Variants in NRXN1 observed in about 807,000 individuals in gnomAD.
NRXN1 encodes neurexin-1.
A neutral mutation model predicts 150.9 loss-of-function variants in NRXN1; 39 were observed. The observed-to-expected ratio is 0.26, with a 90% CI of 0.20 to 0.34. The LOEUF is 0.34. Among genes scored for constraint, NRXN1 ranks in the 10% least tolerant of loss-of-function variants. The pLI, the probability that NRXN1 is intolerant of heterozygous loss-of-function variation, is 1.00. For missense variants in NRXN1, 1,815 were observed against 1,949.9 expected, an observed-to-expected ratio of 0.93 and a Z score of 1.30; for synonymous variants, 924 against 757.0, an observed-to-expected ratio of 1.22 and a Z score of -3.62.
At chr2:50,016,731 G>A (rs1272930402) in intron 21 of NRXN1, among the ~76,000 whole-genome samples, 2 of 152,096 alleles carry the variant, frequency 1.3e-5, no homozygotes, top group Admixed American at 1.3e-4. Flanking sequence ...CTTGACATGT[G>A]CTGATTATTA....
intron 17 of NRXN1, among the ~76,000 whole-genome samples, chr2:50,416,539 T>C (rs931641597): frequency 6.6e-6 from 1 of 152,128 alleles, no homozygotes; most frequent in Non-Finnish European, 1.5e-5. Context: ...ATTTTCACTA[T>C]TGTATTAGTC....
chr2:50,616,189 A>AC (rs1233621298), intron 8 of NRXN1: 4 of 152,138 alleles, frequency 2.6e-5, no homozygotes, highest in African/African-American at 9.7e-5. Flanking sequence ...TTTAAAAAAA[A>AC]CTACTTTGAT....
intron 8 of NRXN1, among the ~76,000 whole-genome samples, chr2:50,604,596 G>A (rs4971686): frequency 0.3 from 45,122 of 151,722 alleles, 7,069 homozygotes; most frequent in East Asian, 0.51. Flanking sequence ...TTCCTGTCTC[G>A]ACTCTTATCT....
intron 17 of NRXN1, among the ~76,000 whole-genome samples, chr2:50,435,624 T>C (rs1462896113): frequency 2.6e-5 from 4 of 152,194 alleles, no homozygotes; most frequent in Admixed American, 2.6e-4. Context: ...TGCGTCTTTA[T>C]GGTAGAACAA....
At chr2:50,690,578 T>C (rs942978388) in intron 5 of NRXN1, among the ~76,000 whole-genome samples, 1 of 152,194 alleles carries the variant, frequency 6.6e-6, no homozygotes, top group African/African-American at 2.4e-5. Context: ...CATGCATCCA[T>C]GGGTTTGAGA....
intron 18 of NRXN1, among the ~76,000 whole-genome samples, chr2:50,157,690 G>A (rs1012485523): frequency 3.9e-5 from 6 of 152,042 alleles, no homozygotes; most frequent in Non-Finnish European, 2.9e-5. Context: ...AGCAGAAATG[G>A]AGGCAGTAAG....
chr2:50,355,563 T>C (rs2078738445), intron 17 of NRXN1, among the ~76,000 whole-genome samples: 1 of 152,148 alleles, frequency 6.6e-6, no homozygotes, highest in Admixed American at 6.5e-5. Context: ...CTTTTTGTTG[T>C]TGTTGTTTTT....
intron 17 of NRXN1, among the ~76,000 whole-genome samples, chr2:50,291,478 T>G (rs1458448976): frequency 6.6e-6 from 1 of 152,152 alleles, no homozygotes; most frequent in East Asian, 1.9e-4. Flanking sequence ...GGTGGCCAGA[T>G]GTTCAGCAGT....
intron 2 of NRXN1, among the ~76,000 whole-genome samples, chr2:51,012,367 T>C (rs1261529604): frequency 2.0e-5 from 3 of 152,024 alleles, no homozygotes; most frequent in Non-Finnish European, 4.4e-5. Flanking sequence ...TAACTATAAT[T>C]TGTAAAAGGA....
rs1473571282 is a variant in NRXN1, at chr2:50,822,074, G to A, written c.832+99795C>T. Reference sequence around the variant, plus strand: ...ATTTTGGTCTTCATTGTATTTAAGTGATAGTCTAATTACTACCTATGATTT... The same window carrying A: ...ATTTTGGTCTTCATTGTATTTAAGTAATAGTCTAATTACTACCTATGATTT... On this transcript the variant is annotated intron_variant, in intron 5 of 22. Coordinates refer to ENST00000401669, the MANE Select transcript of NRXN1 (RefSeq NM_001330078.2). Among the ~76,000 whole-genome samples, 3 of 152,158 alleles carry A rather than the reference G, an allele frequency of 2.0e-5. No individual in the cohort carries two copies. The East Asian group carries it at 5.8e-4, about 29-fold the overall frequency.
intron 17 of NRXN1, among the ~76,000 whole-genome samples, chr2:50,290,547 T>C (rs1456255548): frequency 6.6e-6 from 1 of 152,118 alleles, no homozygotes. Flanking sequence ...GAAAATAATG[T>C]CTGGAGGAAG....
chr2:50,538,768 C>T (rs1203185442), intron 9 of NRXN1, 132 bp from the exon 10 acceptor site: 7 of 701,048 alleles, frequency 1.0e-5, no homozygotes, highest in Admixed American at 8.1e-5. Context: ...TCTGTCCTCA[C>T]TTTTTGGTAT....
At chr2:50,825,124 G>T (rs1176197825) in intron 5 of NRXN1, among the ~76,000 whole-genome samples, 2 of 152,134 alleles carry the variant, frequency 1.3e-5, no homozygotes, top group Non-Finnish European at 2.9e-5. Context: ...GCAAAATAGG[G>T]CACCCACATC....
At chr2:50,857,885 G>C (rs72838785) in intron 5 of NRXN1, among the ~76,000 whole-genome samples, 1 of 151,774 alleles carries the variant, frequency 6.6e-6, no homozygotes, top group African/African-American at 2.4e-5. Flanking sequence ...ATTCTGCATC[G>C]GTACTGGCTG....
chr2:50,826,236 G>C lies in NRXN1; in HGVS notation c.832+95633C>G, dbSNP rs545599609. On this transcript the variant is annotated intron_variant, in intron 5 of 22. Transcript: ENST00000401669. ...TAAAAAGGTAGCATCTGAGCTGAGA[G>C]TGAAATGACAAGAACAAGCTAGTCA... 1.2e-4 allele frequency among the ~76,000 whole-genome samples: 19 copies of C among 152,240 alleles called. No individual in the cohort carries two copies. In the South Asian group the frequency reaches 3.9e-3, roughly 32 times the overall value.
chr2:50,341,217 A>G (rs2077526412), intron 17 of NRXN1, among the ~76,000 whole-genome samples: 3 of 152,276 alleles, frequency 2.0e-5, no homozygotes, highest in Middle Eastern at 3.4e-3. Flanking sequence ...CACATCTGTA[A>G]AATGAAAGGA....
intron 2 of NRXN1, among the ~76,000 whole-genome samples, chr2:50,973,908 C>T (rs1236437390): frequency 1.3e-5 from 2 of 151,942 alleles, no homozygotes; most frequent in African/African-American, 4.8e-5. Flanking sequence ...ATTAATTGAG[C>T]CCTGCATATT....
intron 5 of NRXN1, among the ~76,000 whole-genome samples, chr2:50,779,636 C>T (rs1704091258): frequency 2.0e-5 from 3 of 152,060 alleles, no homozygotes; most frequent in African/African-American, 4.8e-5. Flanking sequence ...GGCGTGGTGG[C>T]GGGTGCCTGT....
chr2:50,880,132 A>T (rs1370759128), intron 5 of NRXN1, among the ~76,000 whole-genome samples: 1 of 151,908 alleles, frequency 6.6e-6, no homozygotes, highest in Non-Finnish European at 1.5e-5. Flanking sequence ...AAGATACATA[A>T]TATCCAATAA....
Sources: gnomAD v4.1 joint callset for allele counts (sites outside exome capture counted in the v4.1 genomes callset) on GRCh38, gnomAD v4.1.1 for gene constraint, MANE v1.5 for transcripts, NCBI Gene and HGNC (gene_info 2026-07-23, HGNC 2026-07-21) for gene names.